The following PCM1 variants were observed in gnomAD, a reference collection of about 807,000 sequenced individuals.
PCM1 encodes pericentriolar material 1 protein.
PCM1 carries 157 observed loss-of-function variants against 241.9 expected under a neutral mutation model. The ratio of observed to expected loss-of-function variants is 0.65; its 90% CI spans 0.57 to 0.74. The LOEUF is 0.74. PCM1 is among the 30% of genes least tolerant of loss of function. The pLI is 0.00. For synonymous variants in PCM1, 1,085 were observed against 784.9 expected, an observed-to-expected ratio of 1.38 and a Z score of -6.39; for missense variants, 3,478 against 2,360.1, an observed-to-expected ratio of 1.47 and a Z score of -9.81.
intron 28 of PCM1, among the ~76,000 whole-genome samples, chr8:17,992,275 G>A (rs539774005): frequency 3.9e-5 from 6 of 152,078 alleles, no homozygotes; most frequent in African/African-American, 7.2e-5. Flanking sequence ...TGAGATTGTT[G>A]GATCAAATGG....
At chr8:18,009,331 G>C (rs958260854) in intron 30 of PCM1, among the ~76,000 whole-genome samples, 1 of 152,164 alleles carries the variant, frequency 6.6e-6, no homozygotes, top group South Asian at 2.1e-4. Context: ...ACTAAATATA[G>C]ATGACCATAT....
intron 6 of PCM1, among the ~76,000 whole-genome samples, chr8:17,940,950 T>C (rs1179774326): frequency 6.6e-6 from 1 of 152,126 alleles, no homozygotes; most frequent in Non-Finnish European, 1.5e-5. Context: ...TTTTGAGGTG[T>C]TCAAAATGCC....
chr8:17,989,823 G>T (rs2083895827), intron 26 of PCM1, 36 bp from the exon 27 acceptor site: 2 of 1,368,588 alleles, frequency 1.5e-6, no homozygotes, highest in Non-Finnish European at 2.0e-6. Context: ...ATTCTTAGAA[G>T]TATTAGTGAT....
At position 18,022,999 on chromosome 8, in the gene PCM1, C is replaced by T. The variant is rs548977118; in HGVS notation, c.5842-2362C>T. On this transcript the variant is annotated intron_variant, in intron 36 of 38. Coordinates refer to ENST00000325083, the MANE Select transcript of PCM1 (RefSeq NM_006197.4). ...AATACATAGAAGTGTTTTTTTATTC[C>T]TCTTTCTATTTAAATCATAACCATT... Among the ~76,000 whole-genome samples the T allele has an allele frequency of 6.6e-5, 10 of 152,150 alleles. No homozygotes were observed. The East Asian group carries it at 1.9e-3, about 29-fold the overall frequency.
chr8:18,018,852 G>GTATATATATA (rs71519940), intron 36 of PCM1, among the ~76,000 whole-genome samples: 2 of 53,734 alleles, frequency 3.7e-5, no homozygotes, highest in Admixed American at 3.4e-4. Flanking sequence ...GTGTGTGTGT[G>GTATATATATA]TATATATATA....
chr8:17,993,545 T>C lies in PCM1; in HGVS notation c.4753T>C (p.Cys1585Arg). ...QPVSEVSTIP[C>R]PRIDTQQLDR... ...TGTAAGTGAAGTTTCTACCATCCCA[T>C]GTCCTAGAATTGATACTCAGCAGCT... The change falls in exon 29 of 39, where the codon TGT (cysteine) becomes CGT (arginine). Residue 1585 changes from cysteine to arginine, a missense_variant. Coordinates refer to ENST00000325083, the MANE Select transcript of PCM1 (RefSeq NM_006197.4). The C allele has an allele frequency of 1.3e-6, 2 of 1,596,174 alleles. No homozygotes were observed. The highest frequency in any genetic ancestry group is 1.7e-6 in the Non-Finnish European group (2 of 1,170,344).
chr8:17,964,629 G>A lies in PCM1; in HGVS notation c.2716G>A (p.Gly906Ser), dbSNP rs186377629. 1.8e-5 allele frequency: 29 copies of A among 1,613,816 alleles called. No homozygotes were observed. Among genetic ancestry groups the A allele is most frequent in the Admixed American group, 5.0e-5 (3 of 60,006 alleles). ...CALDEEGDED[G>S]YLSEGIVRTD... ...ACTAGATGAAGAAGGAGATGAAGAC[G>A]GTTACCTTTCTGAAGGAATTGTTCG... The change falls in exon 18 of 39, where the codon GGT becomes AGT. Residue 906 changes from glycine to serine, a missense_variant. Gly to Ser is a moderately conservative substitution (Grantham distance 56, BLOSUM62 0). Transcript: ENST00000325083.
intron 20 of PCM1, among the ~76,000 whole-genome samples, chr8:17,966,716 G>T (rs111524479): frequency 1.3e-5 from 2 of 152,142 alleles, no homozygotes; most frequent in African/African-American, 4.8e-5. Flanking sequence ...TGTGTAAATT[G>T]TACCACAGTG....
intron 8 of PCM1, 82 bp from the exon 9 acceptor site, chr8:17,952,888 A>T (rs915357576): frequency 8.5e-6 from 7 of 820,830 alleles, no homozygotes; most frequent in African/African-American, 1.7e-5. Context: ...CTTTATAAAG[A>T]ATATTTATGC....
At chr8:17,956,123 G>A (rs2068325195) in intron 10 of PCM1, among the ~76,000 whole-genome samples, 1 of 152,110 alleles carries the variant, frequency 6.6e-6, no homozygotes, top group African/African-American at 2.4e-5. Context: ...CTTACAGTAA[G>A]AACTCAGCTA....
chr8:18,006,519 T>C, intron 30 of PCM1, 122 bp downstream of exon 30: 2 of 647,770 alleles, frequency 3.1e-6, no homozygotes, highest in Non-Finnish European at 5.5e-6. Flanking sequence ...CAATCTAGCG[T>C]CCATTTGGGA....
At chr8:17,938,249 A>G (rs2061001696) in intron 4 of PCM1, among the ~76,000 whole-genome samples, 1 of 151,988 alleles carries the variant, frequency 6.6e-6, no homozygotes, top group South Asian at 2.1e-4. Context: ...GTCTGCAGTG[A>G]AAACGCGTCA....
At chr8:17,958,377 G>T (rs1415775793) in intron 13 of PCM1, among the ~76,000 whole-genome samples, 1 of 151,936 alleles carries the variant, frequency 6.6e-6, no homozygotes, top group African/African-American at 2.4e-5. Context: ...ATTTTAAAAA[G>T]CAGTTTATAC....
At chr8:17,935,416 A>G (rs779435269) in intron 2 of PCM1, among the ~76,000 whole-genome samples, 173 bp from the exon 3 acceptor site, 29 of 152,192 alleles carry the variant, frequency 1.9e-4, no homozygotes, top group Non-Finnish European at 3.4e-4. Context: ...CATTTTAATC[A>G]TAATATGCCT....
rs767789373 is a variant in PCM1 at position 17,962,078 on chromosome 8, G to A, written c.2367G>A (p.Met789Ile). 1.9e-6 allele frequency: 3 copies of A among 1,611,586 alleles called. No individual in the cohort carries two copies. The East Asian group carries it at 6.7e-5, about 36-fold the overall frequency. ...SVGNCPTKKY[M>I]PAVTSTPTVN... ...GTAACTGTCCCACCAAAAAATATAT[G>A]CCAGCTGTTACTTCAACCCCAACTG... is the stretch of plus-strand genomic sequence containing the variant. The change falls in exon 16 of 39, where the codon ATG becomes ATA. Residue 789 changes from methionine (M) to isoleucine (I), a missense_variant. Physicochemically the swap from Met to Ile is conservative, Grantham distance 10 (BLOSUM62 1). Transcript: ENST00000325083.
chr8:17,944,783 ATGT>A (rs1033567153), intron 6 of PCM1, among the ~76,000 whole-genome samples: 2 of 152,080 alleles, frequency 1.3e-5, no homozygotes, highest in Non-Finnish European at 2.9e-5. Context: ...TCAGTCTGAA[ATGT>A]TGTTTATATG....
chr8:17,968,712 A>G (rs934343947), intron 21 of PCM1, among the ~76,000 whole-genome samples: 41 of 144,592 alleles, frequency 2.8e-4, no homozygotes, highest in Non-Finnish European at 5.4e-4. Flanking sequence ...AGCAATGTGT[A>G]TATATATGGA....
chr8:17,993,433 T>C, intron 28 of PCM1, 50 bp from the exon 29 acceptor site: 8 of 1,277,178 alleles, frequency 6.3e-6, no homozygotes, highest in Non-Finnish European at 8.6e-6. Flanking sequence ...GGCATATATG[T>C]ATATATAATA....
intron 29 of PCM1, chr8:18,006,010 G>A (rs1347166270): frequency 1.3e-5 from 5 of 372,532 alleles, no homozygotes; most frequent in Non-Finnish European, 2.4e-5. Context: ...GTGCTGAAAA[G>A]TACTGGATCA....
Sources: gnomAD v4.1 joint callset for allele counts (sites outside exome capture counted in the v4.1 genomes callset) on GRCh38, gnomAD v4.1.1 for gene constraint, MANE v1.5 for transcripts, NCBI Gene and HGNC (gene_info 2026-07-23, HGNC 2026-07-21) for gene names.